Variants in PDE1A observed in about 807,000 individuals in gnomAD.
PDE1A encodes dual specificity calcium/calmodulin-dependent 3',5'-cyclic nucleotide phosphodiesterase 1A.
PDE1A carries 35 observed loss-of-function variants against 61.7 expected under a neutral mutation model. The observed-to-expected ratio is 0.57, with a 90% CI of 0.43 to 0.75. PDE1A has a LOEUF of 0.75. Among genes scored for constraint, PDE1A ranks in the 30% least tolerant of loss-of-function variants. The pLI is 0.00. For synonymous variants in PDE1A, 232 were observed against 213.2 expected (o/e 1.09, Z -0.77); for missense variants, 597 against 630.6 (o/e 0.95, Z 0.57).
chr2:182,189,857 G>C (rs1162991969), intron 10 of PDE1A, among the ~76,000 whole-genome samples: 5 of 152,194 alleles, frequency 3.3e-5, no homozygotes, highest in Non-Finnish European at 7.3e-5. Context: ...ATGAAAGAAA[G>C]AGGAGAGGAT....
the PDE1A span, among the ~76,000 whole-genome samples, chr2:182,560,826 A>C: frequency 6.6e-6 from 1 of 151,878 alleles, no homozygotes. Flanking sequence ...GATGGTGAGC[A>C]TTTTTTCATG....
intron 3 of PDE1A, among the ~76,000 whole-genome samples, chr2:182,237,959 G>A (rs16822915): frequency 0.23 from 34,895 of 151,998 alleles, 4,372 homozygotes; most frequent in East Asian, 0.33. Flanking sequence ...CCTTCTGGTG[G>A]TTTGAAGCTT....
intron 2 of PDE1A, among the ~76,000 whole-genome samples, chr2:182,463,109 C>T (rs1686416712): frequency 6.6e-6 from 1 of 151,966 alleles, no homozygotes; most frequent in Non-Finnish European, 1.5e-5. Flanking sequence ...GGCGTGATGG[C>T]ATGCACCTGT....
the PDE1A span, among the ~76,000 whole-genome samples, chr2:182,655,339 T>C: frequency 6.6e-6 from 1 of 152,208 alleles, no homozygotes; most frequent in South Asian, 2.1e-4. Context: ...CAGGGCATTA[T>C]GATGGACTCC....
At chr2:182,501,768 T>G (rs749000280) in intron 2 of PDE1A, among the ~76,000 whole-genome samples, 7 of 152,192 alleles carry the variant, frequency 4.6e-5, no homozygotes, top group Non-Finnish European at 1.0e-4. Flanking sequence ...CTTCCTCCCA[T>G]GTCCTCATTT....
At chr2:182,181,510 C>G (rs955713802) in intron 13 of PDE1A, among the ~76,000 whole-genome samples, 1 of 152,166 alleles carries the variant, frequency 6.6e-6, no homozygotes, top group Non-Finnish European at 1.5e-5. Flanking sequence ...GTTGGGAGGT[C>G]TCTCCCAGTC....
At chr2:182,479,319 A>G (rs1325860981) in intron 2 of PDE1A, among the ~76,000 whole-genome samples, 1 of 151,938 alleles carries the variant, frequency 6.6e-6, no homozygotes, top group African/African-American at 2.4e-5. Flanking sequence ...AAGTTCACCC[A>G]AAAGATAGTT....
chr2:182,212,858 C>T (rs1294194885), intron 7 of PDE1A, among the ~76,000 whole-genome samples: 1 of 152,216 alleles, frequency 6.6e-6, no homozygotes, highest in Non-Finnish European at 1.5e-5. Flanking sequence ...CTGCCATTGC[C>T]CAGCCTTGAT....
At chr2:182,600,107 G>C in the PDE1A span, among the ~76,000 whole-genome samples, 1 of 152,106 alleles carries the variant, frequency 6.6e-6, no homozygotes, top group African/African-American at 2.4e-5. Flanking sequence ...ACACTCTACA[G>C]CAAAGTTCTC....
At chr2:182,335,883 A>C (rs1017975137) in intron 1 of PDE1A, among the ~76,000 whole-genome samples, 2 of 152,210 alleles carry the variant, frequency 1.3e-5, no homozygotes, top group Non-Finnish European at 2.9e-5. Flanking sequence ...CAATGGGCTA[A>C]TATCCAGAAT....
At chr2:182,174,720 T>C (rs1484123376) in intron 13 of PDE1A, among the ~76,000 whole-genome samples, 1 of 151,244 alleles carries the variant, frequency 6.6e-6, no homozygotes, top group Non-Finnish European at 1.5e-5. Context: ...ACAGGTTATC[T>C]CATTTGTTTT....
the PDE1A span, among the ~76,000 whole-genome samples, chr2:182,643,015 T>C: frequency 2.6e-5 from 4 of 152,184 alleles, no homozygotes; most frequent in South Asian, 2.1e-4. Context: ...GGAGACCTGA[T>C]GCCCATCATT....
At chr2:182,391,815 C>G (rs1046037582) in intron 1 of PDE1A, among the ~76,000 whole-genome samples, 4 of 152,214 alleles carry the variant, frequency 2.6e-5, no homozygotes, top group Non-Finnish European at 2.9e-5. Context: ...TAATTAATCA[C>G]AGTATTCCTG....
At chr2:182,141,619 T>C (rs1458622581) in exon 15 of PDE1A, 1 of 152,212 alleles carries the variant, frequency 6.6e-6, no homozygotes, top group Non-Finnish European at 1.5e-5. Context: ...GCATATAGAA[T>C]ATGGCTTACA....
chr2:182,464,321 A>G (rs1216809521), intron 2 of PDE1A, among the ~76,000 whole-genome samples: 1 of 152,146 alleles, frequency 6.6e-6, no homozygotes, highest in African/African-American at 2.4e-5. Context: ...AGTGGGGTAT[A>G]AGGCAAATAC....
intron 3 of PDE1A, among the ~76,000 whole-genome samples, chr2:182,236,103 T>C (rs150901076): frequency 2.3e-4 from 35 of 152,332 alleles, no homozygotes; most frequent in African/African-American, 7.0e-4. Flanking sequence ...CACAACACTT[T>C]CATGCTTCCA....
the PDE1A span, among the ~76,000 whole-genome samples, chr2:182,565,494 G>T: frequency 1.3e-5 from 2 of 152,134 alleles, no homozygotes; most frequent in African/African-American, 4.8e-5. Flanking sequence ...AGGCTGCTCG[G>T]GGGTCAGGGA....
chr2:182,345,937 T>C (rs1300266753), intron 1 of PDE1A, among the ~76,000 whole-genome samples: 1 of 152,220 alleles, frequency 6.6e-6, no homozygotes, highest in African/African-American at 2.4e-5. Flanking sequence ...CCTGCAATGT[T>C]ACCTCTGCAA....
At chr2:182,342,006 T>C (rs1184022076) in intron 1 of PDE1A, among the ~76,000 whole-genome samples, 1 of 152,118 alleles carries the variant, frequency 6.6e-6, no homozygotes, top group African/African-American at 2.4e-5. Flanking sequence ...TAGCCTCTAG[T>C]GACTCTCCCA....
Sources: allele counts gnomAD v4.1 joint callset (sites outside exome capture counted in the v4.1 genomes callset), GRCh38; gene constraint gnomAD v4.1.1; transcripts MANE v1.5; gene names NCBI Gene and HGNC (gene_info 2026-07-23, HGNC 2026-07-21).